Variants in ERC2 observed in about 807,000 individuals in gnomAD.
The protein encoded by ERC2 is ERC protein 2.
Under a neutral mutation model 114.8 loss-of-function variants are expected in ERC2, and 42 were observed. The ratio of observed to expected loss-of-function variants is 0.37; its 90% CI spans 0.29 to 0.47. The LOEUF is 0.47. Ranked by LOEUF, ERC2 falls within the 20% of genes least tolerant of loss-of-function variation. The pLI, the probability that ERC2 is intolerant of heterozygous loss-of-function variation, is 0.99. For missense variants in ERC2, 939 were observed against 1,150.7 expected (o/e 0.82, Z 2.66); for synonymous variants, 454 against 425.5 (o/e 1.07, Z -0.82).
At chr3:56,416,395 A>G (rs1351374225) in intron 2 of ERC2, among the ~76,000 whole-genome samples, 1 of 152,144 alleles carries the variant, frequency 6.6e-6, no homozygotes, top group Non-Finnish European at 1.5e-5. Flanking sequence ...AAATATGGTC[A>G]ACTATGTCAC....
At chr3:55,928,490 C>T (rs985364819) in intron 13 of ERC2, among the ~76,000 whole-genome samples, 1 of 151,952 alleles carries the variant, frequency 6.6e-6, no homozygotes, top group Non-Finnish European at 1.5e-5. Flanking sequence ...GTTGTTAGAG[C>T]TCCTTATATA....
chr3:56,440,409 G>A lies in ERC2; in HGVS notation c.-140-5262C>T, dbSNP rs567578068. Among the ~76,000 whole-genome samples the A allele has an allele frequency of 5.3e-5, 8 of 152,212 alleles. No individual in the cohort carries two copies. The South Asian group carries it at 6.2e-4, about 12-fold the overall frequency. ...GTAAAGTACAAAAAATTAGCCAGGC[G>A]TGGTGGTGGGCGCATGTAGTCCCAG... On this transcript the variant is annotated intron_variant, in intron 1 of 17. Transcript: ENST00000288221.
chr3:56,123,796 CT>C (rs1348932216), intron 6 of ERC2, among the ~76,000 whole-genome samples: 1 of 152,192 alleles, frequency 6.6e-6, no homozygotes, highest in Non-Finnish European at 1.5e-5. Flanking sequence ...TCTTGACTTC[CT>C]CCCCAACAGG....
chr3:56,258,518 G>A (rs1267807424), intron 3 of ERC2, among the ~76,000 whole-genome samples: 1 of 152,176 alleles, frequency 6.6e-6, no homozygotes, highest in Non-Finnish European at 1.5e-5. Flanking sequence ...GCCGGGCGTG[G>A]TGGTGGGCCC....
intron 2 of ERC2, among the ~76,000 whole-genome samples, chr3:56,356,429 C>T (rs756193324): frequency 6.6e-6 from 1 of 152,158 alleles, no homozygotes; most frequent in Non-Finnish European, 1.5e-5. Context: ...GTGGACGGAG[C>T]CCCTGGCTAA....
intron 3 of ERC2, among the ~76,000 whole-genome samples, chr3:56,250,723 C>T (rs1002831509): frequency 2.0e-5 from 3 of 152,106 alleles, no homozygotes; most frequent in East Asian, 1.9e-4. Context: ...GGTAAACATC[C>T]GTCAGTTGAA....
Position 55,675,131 on chromosome 3 carries a change from C to T in ERC2, c.*39+8663G>A, listed in dbSNP as rs138098818. ...AACACACGAGCACCTTAGATCCTGA[C>T]CTGGCACAGTGGAAGTTCTCAGTTG... On this transcript the variant is annotated intron_variant, in intron 17 of 17. Transcript: ENST00000288221. 1.9e-3 allele frequency among the ~76,000 whole-genome samples: 287 copies of T among 152,286 alleles called. 2 individuals are homozygous for T. Among genetic ancestry groups the T allele is most frequent in the African/African-American group, 6.7e-3 (278 of 41,552 alleles).
chr3:55,680,988 T>C (rs924757102), intron 17 of ERC2, among the ~76,000 whole-genome samples: 12 of 151,998 alleles, frequency 7.9e-5, no homozygotes, highest in South Asian at 4.2e-4. Flanking sequence ...AACCTAAGAG[T>C]GAAGCCCTTC....
At chr3:56,281,605 T>C (rs1328963499) in intron 3 of ERC2, among the ~76,000 whole-genome samples, 1 of 152,104 alleles carries the variant, frequency 6.6e-6, no homozygotes, top group Non-Finnish European at 1.5e-5. Flanking sequence ...TGCACAGTCT[T>C]GAGAGAAGAC....
chr3:56,255,206 G>T (rs913443603), intron 3 of ERC2, among the ~76,000 whole-genome samples: 2 of 152,088 alleles, frequency 1.3e-5, no homozygotes, highest in African/African-American at 4.8e-5. Flanking sequence ...TGGCCTCTGG[G>T]GCACACTTGT....
intron 17 of ERC2, among the ~76,000 whole-genome samples, chr3:55,569,533 C>T (rs1484963513): frequency 3.9e-5 from 6 of 152,192 alleles, no homozygotes; most frequent in African/African-American, 1.4e-4. Context: ...ACCAATTACT[C>T]TTCAAAGATA....
intron 6 of ERC2, among the ~76,000 whole-genome samples, chr3:56,129,745 A>G (rs2149884373): frequency 6.6e-6 from 1 of 152,336 alleles, no homozygotes; most frequent in South Asian, 2.1e-4. Flanking sequence ...AAGTATAAAC[A>G]AACAAAAGCA....
Position 56,220,047 on chromosome 3 carries a change from G to A in ERC2, c.1075-46527C>T, listed in dbSNP as rs976311430. Among the ~76,000 whole-genome samples, 4 of 152,048 alleles carry A rather than the reference G, an allele frequency of 2.6e-5. 1 individual carries two copies. Among genetic ancestry groups the A allele is most frequent in the South Asian group, 4.1e-4 (2 of 4,820 alleles). ...ATCATTATCATAAATAGATTAATAC[G>A]ACAAACAAAAGCAGATGCCTCTGAA... On this transcript the variant is annotated intron_variant, in intron 3 of 17. Transcript: ENST00000288221.
At chr3:55,801,108 G>T (rs1298312285) in intron 14 of ERC2, among the ~76,000 whole-genome samples, 1 of 152,150 alleles carries the variant, frequency 6.6e-6, no homozygotes, top group Admixed American at 6.5e-5. Flanking sequence ...GTACAAAATT[G>T]CTTCTTGAAT....
chr3:55,775,474 C>A (rs1017835062), intron 14 of ERC2, among the ~76,000 whole-genome samples: 3 of 151,180 alleles, frequency 2.0e-5, no homozygotes, highest in East Asian at 2.0e-4. Context: ...GAGGCTGCAG[C>A]GAACTATAGC....
At chr3:55,556,211 T>C (rs998595706) in intron 17 of ERC2, among the ~76,000 whole-genome samples, 2 of 152,198 alleles carry the variant, frequency 1.3e-5, no homozygotes, top group African/African-American at 4.8e-5. Flanking sequence ...CCTTTGCTAG[T>C]CTTTGGGGAG....
At chr3:56,258,228 C>T (rs116339942) in intron 3 of ERC2, among the ~76,000 whole-genome samples, 125 of 151,986 alleles carry the variant, frequency 8.2e-4, no homozygotes, top group African/African-American at 2.9e-3. Context: ...TAAATTCTTT[C>T]TGTAAAGGGC....
chr3:55,997,880 GTTTTTTT>G (rs869077498), intron 10 of ERC2, among the ~76,000 whole-genome samples: 128 of 44,744 alleles, frequency 2.9e-3, no homozygotes, highest in African/African-American at 6.6e-3. Context: ...TCTTAATTCT[GTTTTTTT>G]TTTTTTTTTT....
Position 56,139,733 on chromosome 3 carries a change from A to G in ERC2, c.1306-57T>C, listed in dbSNP as rs1261767537. 6.6e-6 allele frequency: 10 copies of G among 1,503,942 alleles called. No individual in the cohort carries two copies. The South Asian group carries it at 7.2e-5, about 11-fold the overall frequency. 93.2% of individuals were successfully genotyped at this position (1,503,942 alleles called of 1,614,324 possible). A position where few individuals can be genotyped will look rare whatever the true frequency, so the allele number is the denominator to read the frequency against. ...AGAAATTGCTGCCCCTACACTTTAC[A>G]TTGGACAACTACTGATTTCTCTCCA... On this transcript the variant is annotated intron_variant, in intron 5 of 17. Coordinates refer to ENST00000288221, the MANE Select transcript of ERC2 (RefSeq NM_015576.3).
Sources: allele counts gnomAD v4.1 joint callset (sites outside exome capture counted in the v4.1 genomes callset), GRCh38; gene constraint gnomAD v4.1.1; transcripts MANE v1.5; gene names NCBI Gene and HGNC (gene_info 2026-07-23, HGNC 2026-07-21).